KCND3: variants seen among roughly 807,000 people sequenced by gnomAD.
KCND3 encodes the protein potassium voltage-gated channel subfamily D member 3.
A neutral mutation model predicts 51.1 loss-of-function variants in KCND3; 9 were observed. That is an observed-to-expected ratio of 0.18 (90% CI 0.11 to 0.31). KCND3 has a LOEUF of 0.31. Among genes scored for constraint, KCND3 ranks in the 10% least tolerant of loss-of-function variants. The pLI is 1.00. For synonymous variants in KCND3, 349 were observed against 368.0 expected (o/e 0.95, Z 0.59); for missense variants, 526 against 903.8 (o/e 0.58, Z 5.36).
chr1:111,862,088 G>A (rs942007370), intron 2 of KCND3, among the ~76,000 whole-genome samples: 1 of 152,212 alleles, frequency 6.6e-6, no homozygotes, highest in Admixed American at 6.5e-5. Context: ...GCAGGGCGCT[G>A]GCTGGGGAGG....
rs575329032 is a variant in KCND3 at position 111,944,974 on chromosome 1, G to C, written c.1106+36647C>G. Among the ~76,000 whole-genome samples, 5 of 152,340 alleles carry C rather than the reference G, an allele frequency of 3.3e-5. No individual in the cohort carries two copies. The East Asian group carries it at 5.8e-4, about 18-fold the overall frequency. The stretch of plus-strand genomic sequence containing the variant: ...GTCACTCAACCATGAGCCCCATGAT[G>C]ATGGGGCAGGGGCCTCAGTGCCAGA... On this transcript the variant is annotated intron_variant, in intron 2 of 7. Coordinates refer to ENST00000302127, the MANE Select transcript of KCND3 (RefSeq NM_001378969.1).
At chr1:111,975,498 C>T (rs3000756) in intron 2 of KCND3, among the ~76,000 whole-genome samples, 77,817 of 151,914 alleles carry the variant, frequency 0.51, 20,098 homozygotes, top group Non-Finnish European at 0.56. Flanking sequence ...CTTCTCCCAT[C>T]TCCACTGCCA....
At chr1:111,865,999 C>G (rs1571763505) in intron 2 of KCND3, among the ~76,000 whole-genome samples, 1 of 152,162 alleles carries the variant, frequency 6.6e-6, no homozygotes, top group African/African-American at 2.4e-5. Flanking sequence ...AGCCACCATG[C>G]CTGGCCCAAA....
At chr1:111,781,598 C>T (rs1664389265) in intron 3 of KCND3, among the ~76,000 whole-genome samples, 1 of 152,192 alleles carries the variant, frequency 6.6e-6, no homozygotes, top group Non-Finnish European at 1.5e-5. Flanking sequence ...CGGCTCACTG[C>T]AACCTCTGCC....
In KCND3 at chr1:111,780,753, G is replaced by C. The variant is rs190703406; in HGVS notation, c.1308C>G (p.Gly436=). Residue 436 remains glycine, a synonymous_variant, in exon 4 of 8, where the codon GGC becomes GGG. Transcript: ENST00000302127. The surrounding 1 kb of genome is among the most constrained non-coding windows in gnomAD (Gnocchi z 4.2). ...TGCTGTGCAGGTATGCATTCGAACT[G>C]CCTGTTTTGGCCACACGGATCCTGG... ...RLARIRVAKT[G]SSNAYLHSKR... is the part of the protein sequence containing the mutation. 148 of 1,613,498 alleles carry C rather than the reference G, an allele frequency of 9.2e-5. No homozygotes were observed. The Admixed American group carries it at 2.4e-3, about 26-fold the overall frequency.
chr1:111,802,870 G>A (rs1665382291), intron 2 of KCND3, among the ~76,000 whole-genome samples: 1 of 152,286 alleles, frequency 6.6e-6, no homozygotes, highest in East Asian at 1.9e-4. Context: ...TGGGCTCCAT[G>A]CTTCTGGGTT....
At chr1:111,934,842 A>C (rs548602824) in intron 2 of KCND3, among the ~76,000 whole-genome samples, 41 of 152,296 alleles carry the variant, frequency 2.7e-4, no homozygotes, top group Admixed American at 9.1e-4. Context: ...TCACCCATAA[A>C]ATGGAGATAC....
chr1:111,835,517 A>T (rs1232406126), intron 2 of KCND3, among the ~76,000 whole-genome samples: 6 of 152,186 alleles, frequency 3.9e-5, no homozygotes, highest in Non-Finnish European at 7.3e-5. Context: ...CTGATAAAAC[A>T]GGATGCGGTA....
intron 2 of KCND3, among the ~76,000 whole-genome samples, chr1:111,954,291 G>C (rs1386087664): frequency 6.6e-6 from 1 of 152,180 alleles, no homozygotes; most frequent in African/African-American, 2.4e-5. Context: ...TAATGACATA[G>C]AGGAAAGGGA....
chr1:111,969,096 C>T (rs146893422), intron 2 of KCND3, among the ~76,000 whole-genome samples: 87 of 151,844 alleles, frequency 5.7e-4, no homozygotes, highest in African/African-American at 2.0e-3. Context: ...CCTTCCCTTT[C>T]GCCAGTATGT....
At chr1:111,938,313 A>G (rs1027456152) in intron 2 of KCND3, among the ~76,000 whole-genome samples, 1 of 152,176 alleles carries the variant, frequency 6.6e-6, no homozygotes, top group Non-Finnish European at 1.5e-5. Flanking sequence ...TTGAGTGTCC[A>G]TTTCCTGCCA....
intron 1 of KCND3, among the ~76,000 whole-genome samples, chr1:111,983,247 G>A (rs184233120): frequency 1.2e-3 from 179 of 152,328 alleles, no homozygotes; most frequent in African/African-American, 4.0e-3. Context: ...ACCCACTGGG[G>A]TAATCAGGAA....
intron 2 of KCND3, among the ~76,000 whole-genome samples, chr1:111,847,224 A>G (rs1180759037): frequency 6.6e-6 from 1 of 152,116 alleles, no homozygotes; most frequent in Non-Finnish European, 1.5e-5. Flanking sequence ...TTCCCATAGT[A>G]TTGGGGTTTT....
intron 2 of KCND3, among the ~76,000 whole-genome samples, chr1:111,960,467 C>T (rs1673585107): frequency 6.6e-6 from 1 of 152,226 alleles, no homozygotes; most frequent in South Asian, 2.1e-4. Flanking sequence ...GAGCTAAAGA[C>T]CAGCCAGGGC....
chr1:111,957,569 A>AG (rs1673401071), intron 2 of KCND3, among the ~76,000 whole-genome samples: 1 of 152,214 alleles, frequency 6.6e-6, no homozygotes, highest in Non-Finnish European at 1.5e-5. Flanking sequence ...TAAAAAAAAA[A>AG]AGAGAGATAT....
chr1:111,848,121 C>T (rs1272412405), intron 2 of KCND3, among the ~76,000 whole-genome samples: 1 of 152,236 alleles, frequency 6.6e-6, no homozygotes, highest in Non-Finnish European at 1.5e-5. Context: ...GGAGCATATG[C>T]CTTGTCTCGA....
chr1:111,859,382 G>A (rs1039181396), intron 2 of KCND3, among the ~76,000 whole-genome samples: 4 of 152,192 alleles, frequency 2.6e-5, no homozygotes, highest in African/African-American at 7.2e-5. Flanking sequence ...CTGGCATCGC[G>A]GGAAAGGAGA....
At chr1:111,778,616 C>A in intron 5 of KCND3, 124 bp from the exon 6 acceptor site, 1 of 901,444 alleles carries the variant, frequency 1.1e-6, no homozygotes, top group Non-Finnish European at 1.8e-6. Flanking sequence ...AAACATTCCA[C>A]CCCTCATTCC....
chr1:111,849,825 T>C (rs536485097), intron 2 of KCND3, among the ~76,000 whole-genome samples: 2 of 152,318 alleles, frequency 1.3e-5, no homozygotes, highest in South Asian at 4.1e-4. Context: ...ACTGATTTCC[T>C]CTGTGGCTTG....
Sources: gnomAD v4.1 joint callset for allele counts (sites outside exome capture counted in the v4.1 genomes callset) on GRCh38, gnomAD v4.1.1 for gene constraint, Gnocchi (gnomAD v3.1) non-coding constraint, MANE v1.5 for transcripts, NCBI Gene and HGNC (gene_info 2026-07-23, HGNC 2026-07-21) for gene names.